UBA1: variants seen among roughly 807,000 people sequenced by gnomAD.
The protein encoded by UBA1 is ubiquitin like modifier activating enzyme 1, also known as ubiquitin-like modifier-activating enzyme 1.
In UBA1, 4 loss-of-function variants were observed where a neutral mutation model predicts 84.7. The ratio of observed to expected loss-of-function variants is 0.05; its 90% CI spans 0.02 to 0.11. The LOEUF (loss-of-function observed/expected upper bound fraction) is 0.11. Ranked by LOEUF, UBA1 falls within the 10% of genes least tolerant of loss-of-function variation. UBA1 has a pLI of 1.00. For missense variants in UBA1, 513 were observed against 902.8 expected, an observed-to-expected ratio of 0.57 and a Z score of 5.53; for synonymous variants, 364 against 362.6, an observed-to-expected ratio of 1.00 and a Z score of -0.04.
At chrX:47,206,705 C>T in intron 16 of UBA1, 1 of 401,986 alleles carries the variant, frequency 2.5e-6, no homozygotes, top group East Asian at 4.1e-5. Flanking sequence ...AATACCATTC[C>T]TCACCTAAAT....
chrX:47,209,584 C>T lies in UBA1; in HGVS notation c.1939-39C>T, dbSNP rs782120110. 4 of 1,187,736 alleles carry T rather than the reference C, an allele frequency of 3.4e-6. No individual in the cohort carries two copies. The East Asian group carries it at 1.2e-4, about 35-fold the overall frequency. On this transcript the variant is annotated intron_variant, in intron 16 of 25. Transcript: ENST00000335972. ...TAATGCCTGCGGAAACCCATTTTGT[C>T]AACTGTGGCCACATGTAATCTGTTT...
intron 10 of UBA1, 46 bp from the exon 11 acceptor site, chrX:47,202,592 C>A (rs1426990697): frequency 1.4e-5 from 17 of 1,208,028 alleles, no homozygotes; most frequent in Non-Finnish European, 1.8e-5. Context: ...TCCCTGCCCT[C>A]ACTGTGGCCT....
intron 1 of UBA1, among the ~76,000 whole-genome samples, chrX:47,194,746 T>G (rs1299564196): frequency 1.8e-5 from 2 of 112,032 alleles, no homozygotes; most frequent in Non-Finnish European, 3.8e-5. Flanking sequence ...TCTTACCATC[T>G]GCCTTGAGAG....
chrX:47,212,748 C>T (rs782375144), intron 21 of UBA1, 23 bp from the exon 22 acceptor site: 1 of 1,190,566 alleles, frequency 8.4e-7, no homozygotes, highest in East Asian at 3.0e-5. Context: ...CCACTGCCTT[C>T]ACACCCTCCC....
intron 13 of UBA1, 102 bp from the exon 14 acceptor site, chrX:47,203,439 C>T (rs782758701): frequency 1.0e-4 from 103 of 1,029,307 alleles, no homozygotes; most frequent in Non-Finnish European, 1.4e-4. Flanking sequence ...GTGGTGTTAG[C>T]CCCTCTCCCC....
chrX:47,211,330 C>G (rs781932490), intron 20 of UBA1, 105 bp downstream of exon 20: 12 of 963,148 alleles, frequency 1.2e-5, no homozygotes, highest in Non-Finnish European at 1.7e-5. Flanking sequence ...CTCTGTGACC[C>G]CAGGCCTGAG....
At chrX:47,197,823 C>T in intron 1 of UBA1, 1 of 498,562 alleles carries the variant, frequency 2.0e-6, no homozygotes, top group Non-Finnish European at 2.5e-6. Context: ...ACCTTGGTCA[C>T]CGAACGTCCC....
intron 1 of UBA1, 21 bp from the exon 2 acceptor site, chrX:47,198,780 CCT>C: frequency 8.3e-7 from 1 of 1,204,112 alleles, no homozygotes. Flanking sequence ...TCCAGGGTCA[CCT>C]CTGACCTTTT....
Position 47,211,095 on chromosome X carries a change from G to C in UBA1, c.2334G>C (p.Leu778=). ...ACCTGTTTGCCCAGACCTACGGGCTGACAGGCTCTCAGGACCGAGCTGCTG... is the reference window on the plus strand; with the variant it reads ...ACCTGTTTGCCCAGACCTACGGGCTCACAGGCTCTCAGGACCGAGCTGCTG... ...AANLFAQTYG[L]TGSQDRAAVA... Residue 778 remains leucine (L), a synonymous_variant, in exon 20 of 26, where the codon CTG becomes CTC. Transcript: ENST00000335972. 1 of 1,211,808 alleles carries C rather than the reference G, an allele frequency of 8.3e-7. No homozygotes were observed. The highest frequency in any genetic ancestry group is 1.1e-6 in the Non-Finnish European group (1 of 895,567).
chrX:47,196,896 C>T (rs1319240175), intron 1 of UBA1, among the ~76,000 whole-genome samples: 2 of 112,208 alleles, frequency 1.8e-5, no homozygotes, highest in African/African-American at 6.5e-5. Context: ...AACTCACATC[C>T]TCAGGTCAGT....
intron 20 of UBA1, 97 bp downstream of exon 20, chrX:47,211,322 C>A: frequency 1.0e-6 from 1 of 994,999 alleles, no homozygotes; most frequent in Non-Finnish European, 1.4e-6. Context: ...CTGCTCTGCT[C>A]TGTGACCCCA....
upstream of UBA1, among the ~76,000 whole-genome samples, chrX:47,191,956 C>T (rs1297454815): frequency 2.7e-5 from 3 of 112,025 alleles, no homozygotes; most frequent in Non-Finnish European, 5.6e-5. Context: ...GGATTCAAAT[C>T]CCATCGATCC....
chrX:47,212,251 T>G (rs1377393884), intron 20 of UBA1, among the ~76,000 whole-genome samples, 173 bp from the exon 21 acceptor site: 5 of 110,947 alleles, frequency 4.5e-5, no homozygotes, highest in Non-Finnish European at 9.4e-5. Flanking sequence ...TTTTCAGGTT[T>G]GTATTCTGCT....
chrX:47,199,409 C>T (rs782180992), intron 4 of UBA1, 32 bp downstream of exon 4: 4 of 1,210,429 alleles, frequency 3.3e-6, no homozygotes, highest in Non-Finnish European at 4.5e-6. Context: ...CCCCCTTTCC[C>T]CCTTCCCGAG....
At chrX:47,192,176 A>T (rs782091975), upstream of UBA1, among the ~76,000 whole-genome samples, 1 of 111,732 alleles carries the variant, frequency 8.9e-6, no homozygotes, top group East Asian at 2.8e-4. Context: ...TCACACAATC[A>T]GTGAGTGGCT....
chrX:47,208,314 AGT>A (rs199639904), intron 16 of UBA1, among the ~76,000 whole-genome samples: 3,971 of 93,030 alleles, frequency 0.043, 182 homozygotes, highest in African/African-American at 0.17. Context: ...TGTACGTGTA[AGT>A]GTGTGTACGT....
chrX:47,195,340 C>T (rs782134007), intron 1 of UBA1, among the ~76,000 whole-genome samples: 23 of 111,595 alleles, frequency 2.1e-4, no homozygotes, highest in Non-Finnish European at 4.0e-4. Context: ...ACCTCCACCT[C>T]CTGGGTTCAA....
rs1238138188 is a variant in UBA1 at position 47,202,146 on chromosome X, C to T, written c.812-10C>T. Reference sequence around the variant, plus strand: ...GGGTAGACTGACAGCTCTCTTCCTGCCCTCTGTAGGTCCTTATACCTTTAG... The same window carrying T: ...GGGTAGACTGACAGCTCTCTTCCTGTCCTCTGTAGGTCCTTATACCTTTAG... On this transcript the variant is annotated splice_polypyrimidine_tract_variant and intron_variant, in intron 8 of 25. Transcript: ENST00000335972. 1 of 1,194,010 alleles carries T rather than the reference C, an allele frequency of 8.4e-7. No homozygotes were observed. Among genetic ancestry groups the T allele is most frequent in the Non-Finnish European group, 1.1e-6 (1 of 882,258 alleles).
Position 47,201,336 on chromosome X carries a change from A to G in UBA1, c.648A>G (p.Pro216=), listed in dbSNP as rs146676571. 219 of 1,208,473 alleles carry G rather than the reference A, an allele frequency of 1.8e-4. No homozygotes were observed. The African/African-American group carries it at 2.9e-3, about 16-fold the overall frequency. The change falls in exon 7 of 26, where the codon CCA becomes CCG. Residue 216 remains proline (P), a synonymous_variant. Coordinates refer to ENST00000335972, the MANE Select transcript of UBA1 (RefSeq NM_003334.4). ...TCACAGATTCCAATGGGGAGCAGCC[A>G]CTCAGTGCTATGGTTTCTATGGTTA... ...MILTDSNGEQ[P]LSAMVSMVTK...
Sources: allele counts gnomAD v4.1 joint callset (sites outside exome capture counted in the v4.1 genomes callset), GRCh38; gene constraint gnomAD v4.1.1; transcripts MANE v1.5; gene names NCBI Gene and HGNC (gene_info 2026-07-23, HGNC 2026-07-21).